SNRPG: variants seen among roughly 807,000 people sequenced by gnomAD.
SNRPG encodes small nuclear ribonucleoprotein G.
SNRPG carries 3 observed loss-of-function variants against 13.9 expected under a neutral mutation model. That is an observed-to-expected ratio of 0.22 (90% confidence interval 0.10 to 0.56). The LOEUF is 0.56. Ranked by LOEUF, SNRPG falls within the 20% of genes least tolerant of loss-of-function variation. The pLI is 0.93. For synonymous variants in SNRPG, 29 were observed against 29.3 expected, an observed-to-expected ratio of 0.99 and a Z score of 0.03; for missense variants, 34 against 96.1, an observed-to-expected ratio of 0.35 and a Z score of 2.70.
intron 2 of SNRPG, among the ~76,000 whole-genome samples, chr2:70,288,744 ACT>A (rs1697005280): frequency 2.6e-5 from 4 of 152,214 alleles, no homozygotes; most frequent in Admixed American, 1.3e-4. Context: ...AAACAAGATA[ACT>A]GTTCCTTGTC....
intron 1 of SNRPG, among the ~76,000 whole-genome samples, chr2:70,291,948 A>ATTTT (rs200204639): frequency 1.5e-5 from 2 of 136,766 alleles, no homozygotes; most frequent in East Asian, 2.1e-4. Flanking sequence ...AGTAACTTCT[A>ATTTT]TTTTTTTTTT....
At chr2:70,287,953 GA>G in intron 3 of SNRPG, 114 bp downstream of exon 3, 2 of 941,156 alleles carry the variant, frequency 2.1e-6, no homozygotes, top group South Asian at 2.8e-5. Context: ...AAAGGAGATG[GA>G]AAGTCTAATC....
chr2:70,289,572 G>T (rs1373297369), intron 1 of SNRPG, among the ~76,000 whole-genome samples, 200 bp from the exon 2 acceptor site: 1 of 152,184 alleles, frequency 6.6e-6, no homozygotes, highest in Admixed American at 6.5e-5. Flanking sequence ...AGCACTTTAG[G>T]GGGCTGAGGC....
chr2:70,288,140 G>A lies in SNRPG; in HGVS notation c.108C>T (p.Pro36=), dbSNP rs371683189. The change falls in exon 3 of 4, where the codon CCC becomes CCT. Residue 36 remains proline (P), a synonymous_variant. Coordinates refer to ENST00000272348, the MANE Select transcript of SNRPG (RefSeq NM_003096.4). Reference sequence around the variant, plus strand: ...ATTCATCTATCACAAGGTTCATAAAGGGATCAAATCCCCGCAATATTCCTT... The same window carrying A: ...ATTCATCTATCACAAGGTTCATAAAAGGATCAAATCCCCGCAATATTCCTT... The part of the protein sequence containing the change: ...HVQGILRGFD[P]FMNLVIDECV... The A allele has an allele frequency of 4.3e-6, 7 of 1,610,384 alleles. No homozygotes were observed. Among genetic ancestry groups the A allele is most frequent in the African/African-American group, 2.7e-5 (2 of 74,812 alleles).
intron 1 of SNRPG, among the ~76,000 whole-genome samples, 156 bp from the exon 2 acceptor site, chr2:70,289,528 G>A (rs961746529): frequency 1.3e-5 from 2 of 152,138 alleles, no homozygotes; most frequent in Admixed American, 1.3e-4. Context: ...AAAGAGTGAG[G>A]GAGTAGGGCG....
At chr2:70,287,158 A>C (rs1016662216) in intron 3 of SNRPG, 52 of 594,534 alleles carry the variant, frequency 8.7e-5, no homozygotes, top group African/African-American at 8.4e-4. Flanking sequence ...ATGGTATGTA[A>C]AAAAATTAAA....
intron 3 of SNRPG, among the ~76,000 whole-genome samples, chr2:70,283,742 T>C (rs751248542): frequency 6.6e-6 from 1 of 152,180 alleles, no homozygotes. Flanking sequence ...GCAATGAGTA[T>C]GATAAGGTAG....
intron 3 of SNRPG, among the ~76,000 whole-genome samples, chr2:70,286,726 T>C (rs1399665910): frequency 1.3e-5 from 2 of 152,202 alleles, no homozygotes; most frequent in African/African-American, 4.8e-5. Flanking sequence ...CCTTCTCTGA[T>C]AAAATTCCAA....
At chr2:70,283,096 CAAA>C (rs57862220) in intron 3 of SNRPG, among the ~76,000 whole-genome samples, 192 of 14,020 alleles carry the variant, frequency 0.014, 3 homozygotes, top group African/African-American at 0.06. Flanking sequence ...TGTCTTTTGT[CAAA>C]AAAAAAAAAA....
intron 3 of SNRPG, among the ~76,000 whole-genome samples, chr2:70,285,751 A>G (rs1696927912): frequency 6.6e-6 from 1 of 152,184 alleles, no homozygotes; most frequent in African/African-American, 2.4e-5. Context: ...CCAGAATTAC[A>G]TACTGCTCCC....
At chr2:70,292,881 A>C (rs994259509) in intron 1 of SNRPG, 1 of 468,778 alleles carries the variant, frequency 2.1e-6, no homozygotes, top group Non-Finnish European at 3.8e-6. Context: ...TCCACTCAAA[A>C]AGTATTTGAG....
chr2:70,287,123 A>T lies in SNRPG; in HGVS notation c.180+945T>A. On this transcript the variant is annotated intron_variant, in intron 3 of 3. Coordinates refer to ENST00000272348, the MANE Select transcript of SNRPG (RefSeq NM_003096.4). ...CAGTAATGAAAAAGTATCTGAAATA[A>T]GTAATAACACAAACCTTGGAAAGAA... The T allele has an allele frequency of 8.6e-6, 5 of 578,334 alleles. No individual in the cohort carries two copies. The South Asian group carries it at 1.1e-4, about 13-fold the overall frequency. 35.8% of individuals were successfully genotyped at this position (578,334 alleles called of 1,614,324 possible).
intron 1 of SNRPG, among the ~76,000 whole-genome samples, chr2:70,291,046 C>CACACAG (rs1369099987): frequency 3.6e-5 from 5 of 140,054 alleles, no homozygotes; most frequent in African/African-American, 1.0e-4. Context: ...CACACACACA[C>CACACAG]ACACACACAC....
chr2:70,285,470 G>C (rs1384298456), intron 3 of SNRPG, among the ~76,000 whole-genome samples: 2 of 152,158 alleles, frequency 1.3e-5, no homozygotes, highest in Non-Finnish European at 2.9e-5. Context: ...TACTCGGGAA[G>C]CTGAGGCAGG....
At position 70,293,724 on chromosome 2, in the gene SNRPG, G is replaced by C. The variant is rs1257672318; in HGVS notation, c.-75C>G. On this transcript the variant is annotated 5_prime_UTR_variant, in exon 1 of 4. Coordinates refer to ENST00000272348, the MANE Select transcript of SNRPG (RefSeq NM_003096.4). The stretch of plus-strand genomic sequence containing the variant: ...TTCCTCACGCTCCCGCTGTAGGCCC[G>C]GCGTCTTGCGTCTGGCGTCATCGAC... 2 of 1,412,070 alleles carry C rather than the reference G, an allele frequency of 1.4e-6. No homozygotes were observed. The highest frequency in any genetic ancestry group is 2.0e-6 in the Non-Finnish European group (2 of 996,056). 87.5% of individuals were successfully genotyped at this position (1,412,070 alleles called of 1,614,324 possible). A position where few individuals can be genotyped will look rare whatever the true frequency, so the allele number is the denominator to read the frequency against.
At chr2:70,284,180 G>A (rs1696883588) in intron 3 of SNRPG, among the ~76,000 whole-genome samples, 1 of 152,084 alleles carries the variant, frequency 6.6e-6, no homozygotes, top group South Asian at 2.1e-4. Flanking sequence ...TTTTGAGACT[G>A]GGACTAGCTA....
chr2:70,286,548 C>T (rs6725960), intron 3 of SNRPG, among the ~76,000 whole-genome samples: 12,432 of 151,756 alleles, frequency 0.082, 529 homozygotes, highest in East Asian at 0.18. Context: ...GGTTGGGGGG[C>T]GTGTGTGTCA....
Position 70,281,428 on chromosome 2 carries a change from G to A in SNRPG, c.*206C>T, listed in dbSNP as rs952961415. The A allele has an allele frequency of 2.0e-5, 8 of 402,698 alleles. No individual in the cohort carries two copies. Among genetic ancestry groups the A allele is most frequent in the Non-Finnish European group, 3.2e-5 (7 of 218,812 alleles). 24.9% of individuals were successfully genotyped at this position (402,698 alleles called of 1,614,324 possible). Reference sequence around the variant, plus strand: ...ATGCATAAAACCCTTTGAAATCAATGTCAACCAGGAAAATTCATGTTAGAA... The same window carrying A: ...ATGCATAAAACCCTTTGAAATCAATATCAACCAGGAAAATTCATGTTAGAA... On this transcript the variant is annotated 3_prime_UTR_variant, in exon 4 of 4. Transcript: ENST00000272348.
chr2:70,292,520 G>T (rs1045502439), intron 1 of SNRPG, among the ~76,000 whole-genome samples: 5 of 151,730 alleles, frequency 3.3e-5, no homozygotes, highest in African/African-American at 1.2e-4. Flanking sequence ...CTAATTTTTT[G>T]TATTTTTAGT....
Sources: gnomAD v4.1 joint callset for allele counts (sites outside exome capture counted in the v4.1 genomes callset) on GRCh38, gnomAD v4.1.1 for gene constraint, MANE v1.5 for transcripts, NCBI Gene and HGNC (gene_info 2026-07-23, HGNC 2026-07-21) for gene names.